GRID1: variants seen among roughly 807,000 people sequenced by gnomAD.
The protein encoded by GRID1 is glutamate receptor ionotropic, delta-1.
GRID1 carries 28 observed loss-of-function variants against 98.0 expected under a neutral mutation model. That is an observed-to-expected ratio of 0.29 (90% confidence interval 0.21 to 0.39). The LOEUF (loss-of-function observed/expected upper bound fraction) is 0.39, where lower values mean the gene tolerates loss of function less well. Ranked by LOEUF, GRID1 falls within the 10% of genes least tolerant of loss-of-function variation. GRID1 has a pLI of 1.00. For synonymous variants in GRID1, 553 were observed against 538.5 expected (o/e 1.03, Z -0.37); for missense variants, 1,111 against 1,340.5 (o/e 0.83, Z 2.67).
intron 8 of GRID1, among the ~76,000 whole-genome samples, chr10:85,805,580 T>C (rs1156414831): frequency 1.3e-5 from 2 of 151,934 alleles, no homozygotes; most frequent in African/African-American, 4.8e-5. Context: ...ATTTACATCA[T>C]GTGACTATAA....
At chr10:86,232,635 C>T (rs1307697321) in intron 2 of GRID1, among the ~76,000 whole-genome samples, 2 of 152,154 alleles carry the variant, frequency 1.3e-5, no homozygotes, top group Non-Finnish European at 2.9e-5. Context: ...GTACAAATGC[C>T]CATTTTTAAG....
intron 2 of GRID1, among the ~76,000 whole-genome samples, chr10:86,289,814 T>C (rs1361993936): frequency 6.6e-6 from 1 of 152,164 alleles, no homozygotes; most frequent in African/African-American, 2.4e-5. Context: ...GCTGGGCCAA[T>C]ACTATATCCT....
chr10:85,993,091 G>C (rs1161603666), intron 4 of GRID1, among the ~76,000 whole-genome samples: 1 of 152,216 alleles, frequency 6.6e-6, no homozygotes, highest in Non-Finnish European at 1.5e-5. Context: ...AATGTGAAGG[G>C]AATAAGACTT....
At chr10:86,162,480 A>G (rs1845337233) in intron 3 of GRID1, among the ~76,000 whole-genome samples, 1 of 152,168 alleles carries the variant, frequency 6.6e-6, no homozygotes, top group African/African-American at 2.4e-5. Context: ...TCTCTCACCT[A>G]AAAGCAAGGG....
intron 8 of GRID1, among the ~76,000 whole-genome samples, chr10:85,837,487 G>A (rs781306373): frequency 1.3e-5 from 2 of 152,148 alleles, no homozygotes; most frequent in Non-Finnish European, 2.9e-5. Context: ...CAAAGTTGGG[G>A]CCCAATACAA....
intron 2 of GRID1, among the ~76,000 whole-genome samples, chr10:86,328,217 G>A (rs572326740): frequency 7.2e-5 from 11 of 152,346 alleles, no homozygotes; most frequent in Non-Finnish European, 1.5e-5. Flanking sequence ...TCTGTTATGT[G>A]TGTAGGTTAC....
chr10:85,899,897 T>A lies in GRID1; in HGVS notation c.780+16289A>T, dbSNP rs145294782. Among the ~76,000 whole-genome samples the A allele has an allele frequency of 2.7e-3, 412 of 152,240 alleles. 4 individuals carry two copies. The highest frequency in any genetic ancestry group is 9.4e-3 in the African/African-American group (390 of 41,538). ...AGGGCTGCTGGAAACTGCATCCTAGTTCCAATCACTGGCAGTTAAACTGCC... is the reference window on the plus strand; with the variant it reads ...AGGGCTGCTGGAAACTGCATCCTAGATCCAATCACTGGCAGTTAAACTGCC... On this transcript the variant is annotated intron_variant, in intron 5 of 15. Coordinates refer to ENST00000327946, the MANE Select transcript of GRID1 (RefSeq NM_017551.3).
intron 2 of GRID1, among the ~76,000 whole-genome samples, chr10:86,319,803 G>C (rs1323150863): frequency 2.6e-5 from 4 of 152,188 alleles, no homozygotes; most frequent in Non-Finnish European, 5.9e-5. Context: ...GGGTGCCCAG[G>C]GGCTGCCCCT....
intron 2 of GRID1, among the ~76,000 whole-genome samples, chr10:86,321,385 C>T (rs1310091186): frequency 6.6e-6 from 1 of 152,052 alleles, no homozygotes; most frequent in Non-Finnish European, 1.5e-5. Context: ...AATACAAAAC[C>T]CTAAAAGTAA....
At chr10:85,803,338 A>T (rs1301260047) in intron 8 of GRID1, among the ~76,000 whole-genome samples, 3 of 152,160 alleles carry the variant, frequency 2.0e-5, no homozygotes, top group East Asian at 1.9e-4. Flanking sequence ...CATCTCATGT[A>T]TCCTATAAAT....
chr10:86,127,686 C>G (rs1305186433), intron 4 of GRID1, among the ~76,000 whole-genome samples: 5 of 152,180 alleles, frequency 3.3e-5, no homozygotes, highest in Non-Finnish European at 7.3e-5. Context: ...CTAGCCCCTC[C>G]TTACCACCCG....
rs1847856558 is a variant in GRID1, at chr10:86,313,295, C to A, written c.235+50646G>T. Reference sequence around the variant, plus strand: ...GCCAGGCACCAGGCCAAGCTCCTCACACATATCTTCTCAGGTCATCTTCAC... The same window carrying A: ...GCCAGGCACCAGGCCAAGCTCCTCAAACATATCTTCTCAGGTCATCTTCAC... On this transcript the variant is annotated intron_variant, in intron 2 of 15. Coordinates refer to ENST00000327946, the MANE Select transcript of GRID1 (RefSeq NM_017551.3). Among the ~76,000 whole-genome samples, 3 of 152,368 alleles carry A rather than the reference C, an allele frequency of 2.0e-5. 1 individual carries two copies. In the South Asian group the frequency reaches 6.2e-4, roughly 32 times the overall value.
chr10:85,730,644 G>C (rs2132659697), intron 8 of GRID1, among the ~76,000 whole-genome samples: 1 of 152,296 alleles, frequency 6.6e-6, no homozygotes, highest in Admixed American at 6.5e-5. Context: ...CTTACCCCCA[G>C]AGCCTCTTAT....
At chr10:86,307,880 T>G (rs1259991000) in intron 2 of GRID1, among the ~76,000 whole-genome samples, 2 of 152,248 alleles carry the variant, frequency 1.3e-5, no homozygotes, top group African/African-American at 4.8e-5. Flanking sequence ...TTTGTTTTTG[T>G]TGATGTTTTT....
intron 8 of GRID1, among the ~76,000 whole-genome samples, chr10:85,775,652 T>C (rs1842323637): frequency 6.6e-6 from 1 of 152,088 alleles, no homozygotes; most frequent in African/African-American, 2.4e-5. Context: ...AATATAACCA[T>C]GTAAGAAACC....
At chr10:86,126,250 T>C (rs1447646167) in intron 4 of GRID1, among the ~76,000 whole-genome samples, 1 of 151,974 alleles carries the variant, frequency 6.6e-6, no homozygotes, top group Non-Finnish European at 1.5e-5. Context: ...GGTCGGCAGT[T>C]CAAGATCAGC....
intron 12 of GRID1, among the ~76,000 whole-genome samples, chr10:85,659,154 G>C (rs1840936682): frequency 6.6e-6 from 1 of 152,238 alleles, no homozygotes; most frequent in South Asian, 2.1e-4. Flanking sequence ...CTGAGAAGCA[G>C]CTATGAATCC....
intron 12 of GRID1, among the ~76,000 whole-genome samples, chr10:85,683,834 C>G (rs1032575533): frequency 6.6e-6 from 1 of 152,260 alleles, no homozygotes; most frequent in African/African-American, 2.4e-5. Flanking sequence ...CACACTCTTA[C>G]AGATAATAAT....
intron 4 of GRID1, among the ~76,000 whole-genome samples, chr10:85,927,719 G>A (rs957510933): frequency 3.3e-5 from 5 of 152,164 alleles, no homozygotes; most frequent in Non-Finnish European, 5.9e-5. Context: ...ACAGGACACT[G>A]AGGTTACAAC....
Sources: gnomAD v4.1 joint callset for allele counts (sites outside exome capture counted in the v4.1 genomes callset) on GRCh38, gnomAD v4.1.1 for gene constraint, MANE v1.5 for transcripts, NCBI Gene and HGNC (gene_info 2026-07-23, HGNC 2026-07-21) for gene names.